Variants in NOL7 observed in about 807,000 individuals in gnomAD.
The protein encoded by NOL7 is U3 small nucleolar RNA-associated protein NOL7.
A neutral mutation model predicts 38.4 loss-of-function variants in NOL7; 36 were observed. That is an observed-to-expected ratio of 0.94 (90% confidence interval 0.72 to 1.24). NOL7 has a LOEUF of 1.24. Among genes scored for constraint, NOL7 ranks in the 50% most tolerant of loss-of-function variants. The pLI is 0.00. For missense variants in NOL7, 350 were observed against 315.1 expected (o/e 1.11, Z -0.84); for synonymous variants, 142 against 126.5 (o/e 1.12, Z -0.82).
At chr6:13,616,396 C>CATGA in intron 2 of NOL7, 67 bp from the exon 3 acceptor site, 1 of 1,161,912 alleles carries the variant, frequency 8.6e-7, no homozygotes, top group Non-Finnish European at 1.2e-6. Flanking sequence ...GCGGTAACTT[C>CATGA]AGAAGCAACT....
chr6:13,620,569 C>A (rs1261768094), intron 7 of NOL7, 84 bp downstream of exon 7: 2 of 1,349,664 alleles, frequency 1.5e-6, no homozygotes. Context: ...CATAATTATA[C>A]TTTTCCCCCT....
chr6:13,622,503 A>G, downstream of NOL7: 2 of 1,552,428 alleles, frequency 1.3e-6, no homozygotes, highest in Middle Eastern at 1.7e-4. Flanking sequence ...CTGAGGAAAA[A>G]TAATTTAAAA....
rs568995843 is a variant in NOL7 at position 13,620,933 on chromosome 6, A to C, written c.*106A>C. ...ATTATAAAAATCATAAACCTATTTGAGGAAGTGCTCAACCACATTTCATTC... is the reference window on the plus strand; with the variant it reads ...ATTATAAAAATCATAAACCTATTTGCGGAAGTGCTCAACCACATTTCATTC... On this transcript the variant is annotated 3_prime_UTR_variant, in exon 8 of 8. Transcript: ENST00000451315. 1.4e-6 allele frequency: 1 copy of C among 694,248 alleles called. No individual in the cohort carries two copies. Among genetic ancestry groups the C allele is most frequent in the African/African-American group, 1.8e-5 (1 of 55,516 alleles). The allele number at this position is 694,248 out of a possible 1,614,324, so 43.0% of individuals were successfully genotyped here.
intron 5 of NOL7, 54 bp downstream of exon 5, chr6:13,618,193 A>C: frequency 1.5e-6 from 1 of 668,456 alleles, no homozygotes; most frequent in South Asian, 2.7e-5. Flanking sequence ...AAGAGAGTTA[A>C]AGTATTGGCT....
At chr6:13,626,832 T>G (rs886592538) in intron 8 of NOL7, among the ~76,000 whole-genome samples, 3 of 152,216 alleles carry the variant, frequency 2.0e-5, no homozygotes, top group African/African-American at 7.2e-5. Flanking sequence ...TCTCTAGTTA[T>G]CTTACTAGTG....
At chr6:13,629,084 C>G (rs1764702984) in intron 8 of NOL7, among the ~76,000 whole-genome samples, 2 of 151,908 alleles carry the variant, frequency 1.3e-5, no homozygotes, top group African/African-American at 4.8e-5. Flanking sequence ...TTGAAATAAA[C>G]CTATACAGCA....
At chr6:13,631,088 G>A (rs1254122097) in intron 8 of NOL7, among the ~76,000 whole-genome samples, 1 of 152,150 alleles carries the variant, frequency 6.6e-6, no homozygotes, top group East Asian at 1.9e-4. Flanking sequence ...GAATACAGGT[G>A]TGAGCCACCG....
intron 5 of NOL7, among the ~76,000 whole-genome samples, chr6:13,619,753 AAT>A (rs1450415553): frequency 6.6e-6 from 1 of 152,200 alleles, no homozygotes; most frequent in Non-Finnish European, 1.5e-5. Flanking sequence ...GCTCTACTAA[AAT>A]ATGAGTGTCT....
intron 4 of NOL7, 105 bp from the exon 5 acceptor site, chr6:13,617,953 C>T (rs1679112842): frequency 1.0e-6 from 1 of 977,770 alleles, no homozygotes; most frequent in African/African-American, 1.6e-5. Context: ...CAAATAAAAA[C>T]TGCATCCACA....
At chr6:13,620,127 A>C in intron 5 of NOL7, 81 bp from the exon 6 acceptor site, 1 of 1,467,486 alleles carries the variant, frequency 6.8e-7, no homozygotes, top group South Asian at 1.3e-5. Context: ...TGGGTGACAG[A>C]GCGAGACTCT....
intron 2 of NOL7, among the ~76,000 whole-genome samples, chr6:13,616,248 T>G (rs1012215293): frequency 4.6e-5 from 7 of 152,196 alleles, no homozygotes; most frequent in Admixed American, 3.9e-4. Flanking sequence ...TAGAATACCG[T>G]GGGCACCCTT....
At chr6:13,618,931 G>C (rs1465684393) in intron 5 of NOL7, among the ~76,000 whole-genome samples, 4 of 152,112 alleles carry the variant, frequency 2.6e-5, no homozygotes, top group Non-Finnish European at 5.9e-5. Flanking sequence ...AAGATCAGTT[G>C]AACACTTTGT....
At chr6:13,618,901 T>C (rs1248154482) in intron 5 of NOL7, among the ~76,000 whole-genome samples, 2 of 151,992 alleles carry the variant, frequency 1.3e-5, no homozygotes, top group Non-Finnish European at 2.9e-5. Context: ...AAAAAAAAAA[T>C]CGGTTTTCAT....
At chr6:13,630,995 G>C (rs1764766443) in intron 8 of NOL7, among the ~76,000 whole-genome samples, 1 of 152,054 alleles carries the variant, frequency 6.6e-6, no homozygotes, top group Non-Finnish European at 1.5e-5. Context: ...ATTTTTAGTA[G>C]AGACGGGGTT....
At chr6:13,624,647 G>A (rs1269048882), downstream of NOL7, among the ~76,000 whole-genome samples, 2 of 152,194 alleles carry the variant, frequency 1.3e-5, no homozygotes, top group Non-Finnish European at 2.9e-5. Flanking sequence ...TACTTGTTCA[G>A]TATATAAATA....
At chr6:13,615,903 G>A in intron 2 of NOL7, 131 bp downstream of exon 2, 1 of 965,890 alleles carries the variant, frequency 1.0e-6, no homozygotes, top group Non-Finnish European at 1.5e-6. Flanking sequence ...TGACAGTGGT[G>A]GAAAGATGCT....
At chr6:13,629,856 CATT>C (rs1764724408) in intron 8 of NOL7, among the ~76,000 whole-genome samples, 1 of 151,926 alleles carries the variant, frequency 6.6e-6, no homozygotes, top group Non-Finnish European at 1.5e-5. Flanking sequence ...TGACCTTCAA[CATT>C]AATCAAATCT....
chr6:13,627,476 A>C (rs1300129745), intron 8 of NOL7, among the ~76,000 whole-genome samples: 1 of 151,722 alleles, frequency 6.6e-6, no homozygotes, highest in Non-Finnish European at 1.5e-5. Context: ...CTAAAAATAC[A>C]AAAATTAGTC....
At position 13,620,493 on chromosome 6, in the gene NOL7, C is replaced by T. The variant is rs1485221797; in HGVS notation, c.700+8C>T. On this transcript the variant is annotated splice_region_variant and intron_variant, in intron 7 of 7. Coordinates refer to ENST00000451315, the MANE Select transcript of NOL7 (RefSeq NM_016167.5). ...TTTTGAATAATGCTTGGGGTAAGAT[C>T]CAGCTTTATTCTCCTGTCTCTAATA... The T allele has an allele frequency of 2.5e-6, 4 of 1,611,050 alleles. No homozygotes were observed. Among genetic ancestry groups the T allele is most frequent in the African/African-American group, 2.7e-5 (2 of 74,976 alleles).
Sources: allele counts gnomAD v4.1 joint callset (sites outside exome capture counted in the v4.1 genomes callset), GRCh38; gene constraint gnomAD v4.1.1; transcripts MANE v1.5; gene names NCBI Gene and HGNC (gene_info 2026-07-23, HGNC 2026-07-21).